AGBL1: variants seen among roughly 807,000 people sequenced by gnomAD.
The protein encoded by AGBL1 is AGBL carboxypeptidase 1, also known as cytosolic carboxypeptidase 4.
AGBL1 carries 130 observed loss-of-function variants against 118.9 expected under a neutral mutation model. The observed-to-expected ratio is 1.09, with a 90% confidence interval of 0.95 to 1.26. The LOEUF (loss-of-function observed/expected upper bound fraction) is 1.26. Ranked by LOEUF, AGBL1 falls within the 50% of genes most tolerant of loss-of-function variation. The probability of loss-of-function intolerance (pLI) is 0.00; values close to 1 mark genes in which losing one functional copy is unlikely to be tolerated. For synonymous variants in AGBL1, 555 were observed against 478.9 expected (o/e 1.16, Z -2.08); for missense variants, 1,584 against 1,298.1 (o/e 1.22, Z -3.38).
intron 17 of AGBL1, among the ~76,000 whole-genome samples, chr15:86,335,970 A>C (rs2080361316): frequency 6.6e-6 from 1 of 152,210 alleles, no homozygotes; most frequent in African/African-American, 2.4e-5. Context: ...CCCCTCTCGC[A>C]CAGTGATTTT....
In AGBL1 at chr15:86,800,003, T is replaced by G. The variant is rs74025498; in HGVS notation, c.3159-107084T>G. ...AACCCGGGCTTCTCAAAATAGCAAGTCCCTTTTGAGAGCGTCAAGTGGTTT... is the reference window on the plus strand; with the variant it reads ...AACCCGGGCTTCTCAAAATAGCAAGGCCCTTTTGAGAGCGTCAAGTGGTTT... On this transcript the variant is annotated intron_variant, in intron 22 of 22. Coordinates refer to ENST00000614907, the MANE Select transcript of AGBL1 (RefSeq NM_001386094.1). Among the ~76,000 whole-genome samples the G allele has an allele frequency of 4.8e-3, 737 of 152,242 alleles. 8 individuals are homozygous for G. Among genetic ancestry groups the G allele is most frequent in the African/African-American group, 0.017 (697 of 41,552 alleles).
chr15:86,269,767 T>C (rs2079128167), intron 13 of AGBL1, among the ~76,000 whole-genome samples, 152 bp from the exon 14 acceptor site: 1 of 152,156 alleles, frequency 6.6e-6, no homozygotes, highest in South Asian at 2.1e-4. Context: ...CCCAATATTG[T>C]GGTATCAGGA....
intron 5 of AGBL1, among the ~76,000 whole-genome samples, chr15:86,171,447 A>G (rs1039913837): frequency 1.3e-5 from 2 of 152,218 alleles, no homozygotes; most frequent in African/African-American, 4.8e-5. Context: ...GTAGACTATG[A>G]TAATTTGAAA....
intron 22 of AGBL1, among the ~76,000 whole-genome samples, chr15:86,708,292 T>TA (rs762910280): frequency 2.6e-5 from 4 of 152,058 alleles, no homozygotes; most frequent in Non-Finnish European, 4.4e-5. Flanking sequence ...TCTGATCTCA[T>TA]AAGGTTAGTG....
At chr15:86,244,481 C>A (rs765511594) in intron 6 of AGBL1, among the ~76,000 whole-genome samples, 1 of 152,126 alleles carries the variant, frequency 6.6e-6, no homozygotes, top group Non-Finnish European at 1.5e-5. Flanking sequence ...TTTTGCACAA[C>A]TTCCCAAGCC....
chr15:86,090,177 CG>C (rs1435114912), intron 1 of AGBL1, among the ~76,000 whole-genome samples: 1 of 152,120 alleles, frequency 6.6e-6, no homozygotes, highest in Non-Finnish European at 1.5e-5. Context: ...AAGTAGCAGT[CG>C]CAATTTAAAC....
At chr15:86,475,014 C>A (rs7173212) in intron 18 of AGBL1, among the ~76,000 whole-genome samples, 1 of 152,032 alleles carries the variant, frequency 6.6e-6, no homozygotes, top group Non-Finnish European at 1.5e-5. Flanking sequence ...GCTGAGGGTC[C>A]TGAATGTTAG....
intron 17 of AGBL1, among the ~76,000 whole-genome samples, chr15:86,374,192 C>T (rs1362298129): frequency 6.6e-6 from 1 of 152,240 alleles, no homozygotes; most frequent in Non-Finnish European, 1.5e-5. Context: ...ATCCGCAGGT[C>T]TCTCCAATTA....
intron 22 of AGBL1, among the ~76,000 whole-genome samples, chr15:86,721,736 T>C (rs1404566875): frequency 4.6e-5 from 7 of 152,222 alleles, no homozygotes; most frequent in Non-Finnish European, 7.3e-5. Context: ...GCAGATGACA[T>C]GATTGTATAT....
intron 18 of AGBL1, among the ~76,000 whole-genome samples, chr15:86,487,440 T>C (rs1460429082): frequency 2.0e-5 from 3 of 152,120 alleles, no homozygotes; most frequent in Non-Finnish European, 4.4e-5. Flanking sequence ...TGGGGTATTA[T>C]TGACTCATCA....
intron 21 of AGBL1, among the ~76,000 whole-genome samples, chr15:86,654,454 G>C: frequency 6.6e-6 from 1 of 152,122 alleles, no homozygotes; most frequent in East Asian, 1.9e-4. Context: ...TAATAGCTGT[G>C]AGCTACCAGG....
chr15:86,226,659 G>T (rs117254207), intron 6 of AGBL1, among the ~76,000 whole-genome samples: 6,793 of 152,264 alleles, frequency 0.045, 229 homozygotes, highest in Non-Finnish European at 0.068. Flanking sequence ...CTTGATTCAG[G>T]CTCAGACCGT....
intron 22 of AGBL1, among the ~76,000 whole-genome samples, chr15:86,707,559 G>A (rs1385760939): frequency 6.6e-6 from 1 of 152,084 alleles, no homozygotes; most frequent in Non-Finnish European, 1.5e-5. Context: ...ACTATTGCAT[G>A]CTTTCCTCTC....
chr15:86,880,203 T>A (rs1450557833), intron 22 of AGBL1, among the ~76,000 whole-genome samples: 1 of 152,222 alleles, frequency 6.6e-6, no homozygotes, highest in Non-Finnish European at 1.5e-5. Flanking sequence ...ATAAAGGCTT[T>A]CCTTGACCTA....
At chr15:86,736,471 A>C (rs1251944945) in intron 22 of AGBL1, among the ~76,000 whole-genome samples, 1 of 152,112 alleles carries the variant, frequency 6.6e-6, no homozygotes, top group Non-Finnish European at 1.5e-5. Context: ...TCACATAACA[A>C]CTTTATGAGT....
At chr15:86,857,809 A>G (rs2079504773) in intron 22 of AGBL1, among the ~76,000 whole-genome samples, 1 of 152,090 alleles carries the variant, frequency 6.6e-6, no homozygotes, top group Non-Finnish European at 1.5e-5. Flanking sequence ...ATAAATATTC[A>G]CTGGCATGAT....
intron 22 of AGBL1, among the ~76,000 whole-genome samples, chr15:86,820,520 G>A (rs1249091627): frequency 6.6e-6 from 1 of 152,072 alleles, no homozygotes; most frequent in African/African-American, 2.4e-5. Context: ...GTGGGAGAAG[G>A]ATATGAACAA....
intron 5 of AGBL1, among the ~76,000 whole-genome samples, chr15:86,217,464 A>G (rs1396719688): frequency 6.6e-6 from 1 of 152,216 alleles, no homozygotes; most frequent in Non-Finnish European, 1.5e-5. Flanking sequence ...GGAAGAGGAG[A>G]CAGAAATTAA....
At chr15:86,262,750 A>G (rs1452123427) in intron 9 of AGBL1, 28 bp from the exon 10 acceptor site, 4 of 1,463,248 alleles carry the variant, frequency 2.7e-6, no homozygotes, top group Non-Finnish European at 3.8e-6. Flanking sequence ...TCCTGACTGT[A>G]ATCTCTTCTA....
Sources: gnomAD v4.1 joint callset for allele counts (sites outside exome capture counted in the v4.1 genomes callset) on GRCh38, gnomAD v4.1.1 for gene constraint, MANE v1.5 for transcripts, NCBI Gene and HGNC (gene_info 2026-07-23, HGNC 2026-07-21) for gene names.